The following SLC17A1 variants were observed in gnomAD, a reference collection of about 807,000 sequenced individuals.
SLC17A1 encodes the protein solute carrier family 17 member 1.
Under a neutral mutation model 53.5 loss-of-function variants are expected in SLC17A1, and 51 were observed. The observed-to-expected ratio is 0.95, with a 90% CI of 0.76 to 1.20. The LOEUF (loss-of-function observed/expected upper bound fraction) is 1.20, where lower values mean the gene tolerates loss of function less well. Among genes scored for constraint, SLC17A1 ranks in the 50% most tolerant of loss-of-function variants. The pLI is 0.00. For missense variants in SLC17A1, 538 were observed against 568.2 expected (o/e 0.95, Z 0.54); for synonymous variants, 179 against 198.8 (o/e 0.90, Z 0.84).
chr6:25,751,059 C>G, the SLC17A1 span, among the ~76,000 whole-genome samples: 217 of 152,326 alleles, frequency 1.4e-3, 1 homozygote, highest in Admixed American at 4.4e-3. Flanking sequence ...TTTCTTTGAA[C>G]TACAAACTCC....
intron 12 of SLC17A1, among the ~76,000 whole-genome samples, chr6:25,788,652 G>A (rs939040539): frequency 1.9e-5 from 2 of 103,340 alleles, no homozygotes; most frequent in African/African-American, 3.5e-5. Flanking sequence ...AAAGATGTCC[G>A]TGTCCAAGAG....
chr6:25,820,845 C>T (rs911755822), intron 3 of SLC17A1, among the ~76,000 whole-genome samples: 1 of 147,948 alleles, frequency 6.8e-6, no homozygotes, highest in African/African-American at 2.5e-5. Flanking sequence ...CTTGCAGTGA[C>T]CAAGATCGCG....
At chr6:25,773,905 T>G in the SLC17A1 span, among the ~76,000 whole-genome samples, 1 of 152,164 alleles carries the variant, frequency 6.6e-6, no homozygotes, top group African/African-American at 2.4e-5. Context: ...TTTCATACAC[T>G]ATCATATTTT....
intron 12 of SLC17A1, among the ~76,000 whole-genome samples, chr6:25,792,762 T>C (rs1426078497): frequency 2.6e-5 from 4 of 152,186 alleles, no homozygotes; most frequent in Admixed American, 2.0e-4. Context: ...TCTTTCTGCA[T>C]AGTTCACAAT....
At chr6:25,829,278 C>T (rs1397624907) in intron 2 of SLC17A1, among the ~76,000 whole-genome samples, 1 of 152,140 alleles carries the variant, frequency 6.6e-6, no homozygotes, top group Non-Finnish European at 1.5e-5. Flanking sequence ...CAAAGATTTA[C>T]ATGGTTCAAT....
At chr6:25,726,558 A>G in the SLC17A1 span, 3 of 1,586,222 alleles carry the variant, frequency 1.9e-6, no homozygotes, top group Non-Finnish European at 2.6e-6. Context: ...CAACACGAGA[A>G]CCACATTTCT....
At chr6:25,735,356 C>T in the SLC17A1 span, among the ~76,000 whole-genome samples, 1 of 152,148 alleles carries the variant, frequency 6.6e-6, no homozygotes, top group Admixed American at 6.5e-5. Flanking sequence ...CCAGAAGGGA[C>T]ATAAGTACAT....
intron 6 of SLC17A1, among the ~76,000 whole-genome samples, chr6:25,818,193 G>C (rs1764427003): frequency 6.6e-6 from 1 of 152,140 alleles, no homozygotes; most frequent in African/African-American, 2.4e-5. Flanking sequence ...TGAGATCAAG[G>C]TGTCTTTTCA....
the SLC17A1 span, among the ~76,000 whole-genome samples, chr6:25,733,082 G>A: frequency 6.6e-6 from 1 of 152,194 alleles, no homozygotes; most frequent in African/African-American, 2.4e-5. Context: ...ATACTCGGTA[G>A]TATTGACAGC....
intron 1 of SLC17A1, among the ~76,000 whole-genome samples, chr6:25,831,136 C>CATTT (rs1764931737): frequency 6.6e-6 from 1 of 152,192 alleles, no homozygotes; most frequent in Admixed American, 6.5e-5. Flanking sequence ...CGTTACACGT[C>CATTT]CACATGCCCC....
Position 25,812,964 on chromosome 6 carries a change from A to T in SLC17A1, c.764T>A (p.Ile255Asn). 1 of 1,614,094 alleles carries T rather than the reference A, an allele frequency of 6.2e-7. No individual in the cohort carries two copies. Among genetic ancestry groups the T allele is most frequent in the Non-Finnish European group, 8.5e-7 (1 of 1,179,974 alleles). ...TGGAAGCGACTTAAGTATAGCCTTG[A>T]TAGGCAGAGATTGTCTACTTGAACT... is the stretch of plus-strand genomic sequence containing the variant. ...QVSSSRQSLP[I>N]KAILKSLPVW... The change falls in exon 8 of 13, where the codon ATC becomes AAC. Residue 255 changes from isoleucine (I) to asparagine (N), a missense_variant. Transcript: ENST00000244527.
chr6:25,812,568 C>T (rs1764194407), intron 8 of SLC17A1, among the ~76,000 whole-genome samples: 1 of 152,158 alleles, frequency 6.6e-6, no homozygotes, highest in African/African-American at 2.4e-5. Context: ...AAGGGAGTCA[C>T]ATAGTCAATG....
At chr6:25,762,049 G>A in the SLC17A1 span, 7 of 1,613,096 alleles carry the variant, frequency 4.3e-6, no homozygotes, top group Non-Finnish European at 5.9e-6. Flanking sequence ...AATGCTCCAG[G>A]AAAGGTAAAA....
At chr6:25,727,121 C>G in the SLC17A1 span, 2 of 1,614,228 alleles carry the variant, frequency 1.2e-6, no homozygotes, top group Non-Finnish European at 8.5e-7. Flanking sequence ...TCACTGATAT[C>G]TTTGAGCGTA....
At chr6:25,792,442 T>C (rs751834756) in intron 12 of SLC17A1, among the ~76,000 whole-genome samples, 1 of 151,420 alleles carries the variant, frequency 6.6e-6, no homozygotes, top group Non-Finnish European at 1.5e-5. Context: ...AGTCTACAAG[T>C]CTTCCACATA....
chr6:25,785,016 A>G (rs983676271), intron 12 of SLC17A1, among the ~76,000 whole-genome samples: 1 of 152,176 alleles, frequency 6.6e-6, no homozygotes, highest in Non-Finnish European at 1.5e-5. Flanking sequence ...AATCCTAGGA[A>G]ATCTACTAAA....
At chr6:25,831,901 T>C (rs1271220846) in intron 1 of SLC17A1, 93 bp downstream of exon 1, 1 of 152,186 alleles carries the variant, frequency 6.6e-6, no homozygotes, top group African/African-American at 2.4e-5. Context: ...TGCTAAGTAC[T>C]TTCAATAATA....
chr6:25,751,600 T>C, the SLC17A1 span, among the ~76,000 whole-genome samples: 3 of 152,160 alleles, frequency 2.0e-5, no homozygotes, highest in African/African-American at 7.2e-5. Flanking sequence ...ACTGGGCCCC[T>C]AAGTGAGGAA....
chr6:25,800,567 G>T, intron 11 of SLC17A1, among the ~76,000 whole-genome samples: 1 of 151,924 alleles, frequency 6.6e-6, no homozygotes, highest in East Asian at 1.9e-4. Context: ...ACTGTATCTT[G>T]TTACTTATAT....
Sources: gnomAD v4.1 joint callset for allele counts (sites outside exome capture counted in the v4.1 genomes callset) on GRCh38, gnomAD v4.1.1 for gene constraint, MANE v1.5 for transcripts, NCBI Gene and HGNC (gene_info 2026-07-23, HGNC 2026-07-21) for gene names.